The following TYW1 variants were observed in gnomAD, a reference collection of about 807,000 sequenced individuals.
The protein encoded by TYW1 is tRNA-yW synthesizing protein 1 homolog, also known as S-adenosyl-L-methionine-dependent tRNA 4-demethylwyosine synthase TYW1.
In TYW1, 46 loss-of-function variants were observed where a neutral mutation model predicts 96.2. The observed-to-expected ratio is 0.48, with a 90% CI of 0.38 to 0.61. The LOEUF is 0.61. TYW1 is among the 20% of genes least tolerant of loss of function. The pLI, the probability that TYW1 is intolerant of heterozygous loss-of-function variation, is 0.00. For synonymous variants in TYW1, 274 were observed against 323.0 expected (o/e 0.85, Z 1.63); for missense variants, 684 against 909.6 (o/e 0.75, Z 3.19).
intron 14 of TYW1, among the ~76,000 whole-genome samples, chr7:67,185,486 G>A (rs1281274293): frequency 1.3e-5 from 2 of 152,160 alleles, no homozygotes; most frequent in Admixed American, 6.5e-5. Context: ...AAAACATTTT[G>A]CTAGATTATA....
At chr7:67,075,693 A>G (rs1338791118) in intron 10 of TYW1, among the ~76,000 whole-genome samples, 2 of 152,252 alleles carry the variant, frequency 1.3e-5, no homozygotes, top group Non-Finnish European at 2.9e-5. Context: ...AGAGACAGAA[A>G]GTAGAATAGT....
chr7:67,017,763 C>A, intron 5 of TYW1, 90 bp from the exon 6 acceptor site: 1 of 1,509,658 alleles, frequency 6.6e-7, no homozygotes, highest in Non-Finnish European at 8.9e-7. Flanking sequence ...TGACCAGGGG[C>A]CTCGGAAGGA....
At chr7:67,002,856 C>CTTTTTTTTTTTTT (rs547425705) in intron 3 of TYW1, among the ~76,000 whole-genome samples, 1 of 110,876 alleles carries the variant, frequency 9.0e-6, no homozygotes, top group Non-Finnish European at 1.9e-5. Context: ...TTTCTTTTTT[C>CTTTTTTTTTTTTT]TTTTTTTTTT....
intron 13 of TYW1, among the ~76,000 whole-genome samples, chr7:67,162,541 T>C (rs538664789): frequency 3.3e-5 from 5 of 152,262 alleles, no homozygotes; most frequent in Non-Finnish European, 5.9e-5. Context: ...ATTTACTTTG[T>C]CTCAGTCGTT....
chr7:67,143,305 G>A (rs369055876), intron 13 of TYW1, among the ~76,000 whole-genome samples: 1 of 152,154 alleles, frequency 6.6e-6, no homozygotes, highest in East Asian at 1.9e-4. Context: ...GAGAAGTGCT[G>A]GGCTACAAGG....
intron 6 of TYW1, 21 bp downstream of exon 6, chr7:67,018,164 T>C (rs1562967771): frequency 6.2e-7 from 1 of 1,602,140 alleles, no homozygotes; most frequent in African/African-American, 1.3e-5. Flanking sequence ...TGTGTGTTCA[T>C]CTCTCGAGGC....
chr7:67,153,968 C>T (rs1798887610), intron 13 of TYW1, among the ~76,000 whole-genome samples: 1 of 145,542 alleles, frequency 6.9e-6, no homozygotes, highest in Admixed American at 7.1e-5. Context: ...CGCTCTGTCA[C>T]CCAGGCTGGA....
At chr7:67,117,387 A>T in intron 12 of TYW1, 96 bp from the exon 13 acceptor site, 1 of 1,402,614 alleles carries the variant, frequency 7.1e-7, no homozygotes, top group Non-Finnish European at 9.5e-7. Context: ...TGAAGTGTTT[A>T]ATCCCCATGT....
At chr7:67,097,398 A>G (rs537512677) in intron 11 of TYW1, among the ~76,000 whole-genome samples, 7 of 152,182 alleles carry the variant, frequency 4.6e-5, no homozygotes, top group Non-Finnish European at 7.4e-5. Context: ...CCTAGGTGGC[A>G]GTATTTTTGG....
chr7:67,112,100 C>CAAAAAAAAAAAAAAAAAAAAA (rs538839042), intron 12 of TYW1, among the ~76,000 whole-genome samples: 68 of 94,848 alleles, frequency 7.2e-4, no homozygotes, highest in Admixed American at 2.0e-3. Context: ...CTCTGTCTGA[C>CAAAAAAAAAAAAAAAAAAAAA]AAAAAAAAAA....
chr7:67,122,059 T>A (rs1045059777), intron 13 of TYW1, among the ~76,000 whole-genome samples: 17 of 151,782 alleles, frequency 1.1e-4, no homozygotes, highest in Non-Finnish European at 2.1e-4. Flanking sequence ...AGCAGTAAAC[T>A]TTTATCAGCA....
At chr7:67,070,217 T>G (rs145704094) in intron 10 of TYW1, among the ~76,000 whole-genome samples, 2,833 of 152,098 alleles carry the variant, frequency 0.019, 77 homozygotes, top group African/African-American at 0.065. Flanking sequence ...TATGGATCTC[T>G]TTGTGTTTGT....
chr7:67,137,134 A>G (rs1215647671), intron 13 of TYW1, among the ~76,000 whole-genome samples: 1 of 152,044 alleles, frequency 6.6e-6, no homozygotes, highest in East Asian at 1.9e-4. Context: ...ATTTTCCTAC[A>G]GGATTTTTGG....
At chr7:67,050,630 G>T (rs1195304154) in intron 8 of TYW1, among the ~76,000 whole-genome samples, 5 of 152,030 alleles carry the variant, frequency 3.3e-5, no homozygotes, top group Non-Finnish European at 7.4e-5. Flanking sequence ...GGAACCGTCG[G>T]TCTGGTGCAC....
chr7:67,098,743 A>T (rs772523176), intron 12 of TYW1, 25 bp downstream of exon 12: 2 of 1,565,612 alleles, frequency 1.3e-6, no homozygotes, highest in South Asian at 2.4e-5. Flanking sequence ...CTATGGAGAG[A>T]TGCTGCTTGA....
intron 3 of TYW1, among the ~76,000 whole-genome samples, chr7:67,005,055 T>G (rs1233184501): frequency 1.1e-4 from 16 of 152,180 alleles, no homozygotes; most frequent in African/African-American, 3.6e-4. Context: ...CATGCCCTGC[T>G]TGAAATTTCT....
At chr7:66,997,349 G>A (rs1793206454) in intron 1 of TYW1, among the ~76,000 whole-genome samples, 1 of 151,876 alleles carries the variant, frequency 6.6e-6, no homozygotes, top group Non-Finnish European at 1.5e-5. Context: ...TGTAAGGTCA[G>A]TTACTTGAGA....
At chr7:67,167,975 GA>G (rs1421290727) in intron 13 of TYW1, among the ~76,000 whole-genome samples, 2 of 151,938 alleles carry the variant, frequency 1.3e-5, no homozygotes, top group Non-Finnish European at 2.9e-5. Flanking sequence ...GGCTTGTCTC[GA>G]ACTCCTGACC....
intron 13 of TYW1, among the ~76,000 whole-genome samples, chr7:67,157,426 C>T (rs2116198429): frequency 6.6e-6 from 1 of 152,198 alleles, no homozygotes; most frequent in South Asian, 2.1e-4. Flanking sequence ...GCTGGGATTG[C>T]AGGTGTCAAC....
Sources: allele counts gnomAD v4.1 joint callset (sites outside exome capture counted in the v4.1 genomes callset), GRCh38; gene constraint gnomAD v4.1.1; transcripts MANE v1.5; gene names NCBI Gene and HGNC (gene_info 2026-07-23, HGNC 2026-07-21).